CPNE2: variants seen among roughly 807,000 people sequenced by gnomAD.
The protein encoded by CPNE2 is copine 2.
Under a neutral mutation model 69.7 loss-of-function variants are expected in CPNE2, and 42 were observed. The ratio of observed to expected loss-of-function variants is 0.60; its 90% CI spans 0.47 to 0.78. The LOEUF is 0.78. Among genes scored for constraint, CPNE2 ranks in the 30% least tolerant of loss-of-function variants. CPNE2 has a pLI of 0.00. For synonymous variants in CPNE2, 294 were observed against 289.8 expected (o/e 1.01, Z -0.15); for missense variants, 587 against 732.0 (o/e 0.80, Z 2.29).
At chr16:57,133,104 C>T (rs536606002) in intron 12 of CPNE2, among the ~76,000 whole-genome samples, 1 of 152,128 alleles carries the variant, frequency 6.6e-6, no homozygotes, top group Non-Finnish European at 1.5e-5. Flanking sequence ...CTCTCTCAGC[C>T]CCTCCATACA....
chr16:57,097,424 C>T, intron 1 of CPNE2, among the ~76,000 whole-genome samples: 1 of 152,176 alleles, frequency 6.6e-6, no homozygotes, highest in East Asian at 1.9e-4. Flanking sequence ...GGAAGCTCTC[C>T]TGGAAGGTGG....
chr16:57,130,236 A>C lies in CPNE2; in HGVS notation c.1116+2333A>C, dbSNP rs2145269588. ...TCTACTAAAAATACAAAAATTAGCT[A>C]GGTGTGGTGGCGGGAGTCTGTAATC... is the stretch of plus-strand genomic sequence containing the variant. On this transcript the variant is annotated intron_variant, in intron 12 of 15. Coordinates refer to ENST00000290776, the MANE Select transcript of CPNE2 (RefSeq NM_152727.6). This position sits in a 1 kb window ranked among gnomAD's most constrained non-coding sequence, Gnocchi z 4.1. Among the ~76,000 whole-genome samples, 1 of 151,686 alleles carries C rather than the reference A, an allele frequency of 6.6e-6. No individual in the cohort carries two copies. Among genetic ancestry groups the C allele is most frequent in the Non-Finnish European group, 1.5e-5 (1 of 67,842 alleles).
intron 1 of CPNE2, among the ~76,000 whole-genome samples, chr16:57,096,572 G>A (rs1054298522): frequency 4.0e-5 from 6 of 151,876 alleles, no homozygotes; most frequent in East Asian, 3.9e-4. Context: ...TGTGGTGCAT[G>A]CCTGTAGTCC....
At chr16:57,100,472 C>T (rs930842043) in intron 1 of CPNE2, among the ~76,000 whole-genome samples, 1 of 152,210 alleles carries the variant, frequency 6.6e-6, no homozygotes. Context: ...ATCTGCAGTG[C>T]GTCAAGCATT....
intron 1 of CPNE2, among the ~76,000 whole-genome samples, chr16:57,102,461 G>A (rs1322335567): frequency 6.6e-6 from 1 of 152,090 alleles, no homozygotes; most frequent in African/African-American, 2.4e-5. Context: ...GACCTTGAGG[G>A]CTGTGTATCC....
intron 10 of CPNE2, chr16:57,125,331 G>T (rs1385486991): frequency 2.2e-6 from 1 of 456,124 alleles, no homozygotes; most frequent in Admixed American, 2.3e-5. Flanking sequence ...AGCTGATCGG[G>T]GAGACGGGCA....
chr16:57,127,230 A>T (rs2069806986), intron 11 of CPNE2, among the ~76,000 whole-genome samples: 1 of 152,166 alleles, frequency 6.6e-6, no homozygotes, highest in Non-Finnish European at 1.5e-5. Context: ...GCCTTAGAGG[A>T]TGAGTAGGAG....
In CPNE2 at chr16:57,119,750, A is replaced by T. The variant is rs1025351216; in HGVS notation, c.681+100A>T. The T allele has an allele frequency of 1.1e-5, 8 of 734,248 alleles. No individual in the cohort carries two copies. The African/African-American group carries it at 1.4e-4, about 13-fold the overall frequency. 45.5% of individuals were successfully genotyped at this position (734,248 alleles called of 1,614,324 possible). On this transcript the variant is annotated intron_variant, in intron 7 of 15. Coordinates refer to ENST00000290776, the MANE Select transcript of CPNE2 (RefSeq NM_152727.6). ...TGCCTTGTAGAAAGCTCTTTCTCAT[A>T]CAAGTGGAACGAACCCCCATCTTTG...
intron 1 of CPNE2, among the ~76,000 whole-genome samples, chr16:57,094,249 G>A (rs1188763813): frequency 1.3e-5 from 2 of 152,186 alleles, no homozygotes; most frequent in Non-Finnish European, 1.5e-5. Context: ...GACTTGGGGG[G>A]TTTTCTGTCT....
Position 57,121,143 on chromosome 16 carries a change from G to A in CPNE2, c.732G>A (p.Glu244=). ...DNDGGHDFIG[E]FQTSVSQMCE... Reference sequence around the variant, plus strand: ...ACGGGGGCCATGACTTCATCGGCGAGTTCCAGACCTCAGTGTCACAGATGT... The same window carrying A: ...ACGGGGGCCATGACTTCATCGGCGAATTCCAGACCTCAGTGTCACAGATGT... Residue 244 remains glutamate (E), a synonymous_variant, in exon 8 of 16, where the codon GAG becomes GAA. Transcript: ENST00000290776. 1 of 1,614,096 alleles carries A rather than the reference G, an allele frequency of 6.2e-7. No homozygotes were observed. The highest frequency in any genetic ancestry group is 1.1e-5 in the South Asian group (1 of 91,078).
chr16:57,115,689 C>T, intron 4 of CPNE2, 139 bp downstream of exon 4: 1 of 591,516 alleles, frequency 1.7e-6, no homozygotes. Context: ...AGCAACAGGT[C>T]TCTTAGCAAC....
chr16:57,122,734 A>C (rs1433235028), intron 9 of CPNE2, among the ~76,000 whole-genome samples: 1 of 152,136 alleles, frequency 6.6e-6, no homozygotes, highest in East Asian at 1.9e-4. Context: ...CTGGGATTAC[A>C]GGTGCATGCC....
chr16:57,147,357 G>A (rs1039201076), intron 15 of CPNE2, 194 bp from the exon 16 acceptor site: 4 of 411,608 alleles, frequency 9.7e-6, no homozygotes, highest in Admixed American at 4.2e-5. Context: ...AAGGCACTGC[G>A]ATCAGGGGGA....
chr16:57,113,157 C>A, intron 2 of CPNE2, 131 bp from the exon 3 acceptor site: 2 of 791,136 alleles, frequency 2.5e-6, no homozygotes, highest in Non-Finnish European at 4.0e-6. Flanking sequence ...GATAGTGAGT[C>A]ACTGACGATG....
intron 7 of CPNE2, 32 bp downstream of exon 7, chr16:57,119,682 CT>C: frequency 6.7e-7 from 1 of 1,484,160 alleles, no homozygotes; most frequent in Non-Finnish European, 9.2e-7. Context: ...TGCTCCCCAC[CT>C]TGCCAGCTCC....
At chr16:57,093,944 C>T in intron 1 of CPNE2, 1 of 426,220 alleles carries the variant, frequency 2.3e-6, no homozygotes, top group South Asian at 1.7e-5. Flanking sequence ...CACCTATGAC[C>T]AACAGGGAAC....
Position 57,130,645 on chromosome 16 carries a change from G to T in CPNE2, c.1116+2742G>T, listed in dbSNP as rs1238844715. On this transcript the variant is annotated intron_variant, in intron 12 of 15. Coordinates refer to ENST00000290776, the MANE Select transcript of CPNE2 (RefSeq NM_152727.6). This position sits in a 1 kb window ranked among gnomAD's most constrained non-coding sequence, Gnocchi z 4.1. ...GAGGAAGCCAAGCAGTCAGGGCTCG[G>T]GGAGGAGGGAGTGGGGTTGGAGGCT... Among the ~76,000 whole-genome samples, 1 of 152,098 alleles carries T rather than the reference G, an allele frequency of 6.6e-6. No individual in the cohort carries two copies. Among genetic ancestry groups the T allele is most frequent in the South Asian group, 2.1e-4 (1 of 4,822 alleles).
At chr16:57,126,936 C>T (rs1269768814) in intron 11 of CPNE2, among the ~76,000 whole-genome samples, 6 of 152,176 alleles carry the variant, frequency 3.9e-5, no homozygotes, top group Admixed American at 3.9e-4. Context: ...CAGATCATTT[C>T]ATTAGCTTCC....
intron 1 of CPNE2, among the ~76,000 whole-genome samples, chr16:57,107,505 G>A (rs543497266): frequency 1.4e-4 from 22 of 152,324 alleles, no homozygotes; most frequent in Middle Eastern, 3.4e-3. Flanking sequence ...CCCAGCAAGA[G>A]GCTGGCGCTC....
Sources: allele counts gnomAD v4.1 joint callset (sites outside exome capture counted in the v4.1 genomes callset), GRCh38; gene constraint gnomAD v4.1.1; non-coding constraint Gnocchi (gnomAD v3.1); transcripts MANE v1.5; gene names NCBI Gene and HGNC (gene_info 2026-07-23, HGNC 2026-07-21).